TM9SF3: variants seen among roughly 807,000 people sequenced by gnomAD.
TM9SF3 encodes transmembrane 9 superfamily member 3, also known as SM-11044-binding protein.
In TM9SF3, 14 loss-of-function variants were observed where a neutral mutation model predicts 78.6. That is an observed-to-expected ratio of 0.18 (90% CI 0.12 to 0.28). The LOEUF (loss-of-function observed/expected upper bound fraction) is 0.28. TM9SF3 is among the 10% of genes least tolerant of loss of function. The probability of loss-of-function intolerance (pLI) is 1.00; values close to 1 mark genes in which losing one functional copy is unlikely to be tolerated. For missense variants in TM9SF3, 496 were observed against 721.9 expected, an observed-to-expected ratio of 0.69 and a Z score of 3.59; for synonymous variants, 231 against 241.7, an observed-to-expected ratio of 0.96 and a Z score of 0.41.
intron 5 of TM9SF3, among the ~76,000 whole-genome samples, chr10:96,555,817 T>C (rs1279730808): frequency 1.3e-5 from 2 of 152,190 alleles, no homozygotes; most frequent in African/African-American, 4.8e-5. Context: ...TCTATGATTT[T>C]CCAAAGATTT....
intron 9 of TM9SF3, among the ~76,000 whole-genome samples, chr10:96,542,660 G>A (rs1172103474): frequency 6.6e-6 from 1 of 151,866 alleles, no homozygotes; most frequent in African/African-American, 2.4e-5. Flanking sequence ...TGTTCTTTGA[G>A]AAGTAACCTG....
intron 1 of TM9SF3, among the ~76,000 whole-genome samples, chr10:96,582,560 C>T (rs1848582234): frequency 1.3e-5 from 2 of 152,078 alleles, no homozygotes; most frequent in South Asian, 4.1e-4. Flanking sequence ...ATAAAGAAGC[C>T]TATGTCCCTT....
intron 2 of TM9SF3, among the ~76,000 whole-genome samples, chr10:96,572,431 C>T (rs1353165821): frequency 2.0e-5 from 3 of 151,834 alleles, no homozygotes; most frequent in Admixed American, 1.3e-4. Context: ...TGGCAAGGTT[C>T]GAAGAGGTAC....
In TM9SF3 at chr10:96,586,753, G is replaced by A; in HGVS notation, c.83C>T (p.Ala28Val). 1 of 1,275,854 alleles carries A rather than the reference G, an allele frequency of 7.8e-7. No individual in the cohort carries two copies. Among genetic ancestry groups the A allele is most frequent in the Non-Finnish European group, 9.9e-7 (1 of 1,012,506 alleles). The allele number at this position is 1,275,854 out of a possible 1,614,324, so 79.0% of individuals were successfully genotyped here. A position where few individuals can be genotyped will look rare whatever the true frequency, so the allele number is the denominator to read the frequency against. The change falls in exon 1 of 15, where the codon GCG becomes GTG. Residue 28 changes from alanine (A) to valine (V), a missense_variant. Ala to Val is a moderately conservative substitution (Grantham distance 64, BLOSUM62 0). This residue lies in a region of TM9SF3 where 155 missense variants were observed against 241.6 expected (regional missense o/e 0.64). Coordinates refer to ENST00000371142, the MANE Select transcript of TM9SF3 (RefSeq NM_020123.4). ...CCTCACCGTGTGTTCGTGCTCGTCCGCCCGGGTCCGGGGCAGCAGCAGCAG... is the reference window on the plus strand; with the variant it reads ...CCTCACCGTGTGTTCGTGCTCGTCCACCCGGGTCCGGGGCAGCAGCAGCAG... ...LLLLLLPRTR[A>V]DEHEHTYQDK...
At chr10:96,551,828 C>G (rs1053630469) in intron 6 of TM9SF3, among the ~76,000 whole-genome samples, 11 of 152,218 alleles carry the variant, frequency 7.2e-5, no homozygotes, top group Middle Eastern at 3.4e-3. Context: ...ACTAGATCCC[C>G]TAAGAATGCA....
chr10:96,549,739 C>A (rs1848145264), intron 7 of TM9SF3, among the ~76,000 whole-genome samples: 1 of 149,396 alleles, frequency 6.7e-6, no homozygotes, highest in East Asian at 2.0e-4. Flanking sequence ...CATGACTTGC[C>A]TGCTAATATT....
intron 7 of TM9SF3, among the ~76,000 whole-genome samples, chr10:96,550,994 T>A (rs1030799329): frequency 2.0e-5 from 3 of 152,194 alleles, no homozygotes; most frequent in Non-Finnish European, 4.4e-5. Flanking sequence ...TCTGTTCATA[T>A]CTTTAATGGA....
intron 14 of TM9SF3, among the ~76,000 whole-genome samples, chr10:96,523,103 T>C (rs992789059): frequency 2.0e-5 from 3 of 151,870 alleles, no homozygotes; most frequent in Admixed American, 6.6e-5. Context: ...TGGTTCTTTA[T>C]TGCAAATATA....
intron 8 of TM9SF3, among the ~76,000 whole-genome samples, chr10:96,547,439 A>G (rs1400863903): frequency 6.6e-6 from 1 of 152,230 alleles, no homozygotes; most frequent in Non-Finnish European, 1.5e-5. Context: ...TCATAATTTT[A>G]GGAAATAAAA....
At chr10:96,549,975 T>C (rs1848148217) in intron 7 of TM9SF3, among the ~76,000 whole-genome samples, 1 of 152,158 alleles carries the variant, frequency 6.6e-6, no homozygotes, top group African/African-American at 2.4e-5. Context: ...CTTAATCCAG[T>C]GTTTAATGTA....
At chr10:96,580,977 T>C (rs766123205) in intron 1 of TM9SF3, among the ~76,000 whole-genome samples, 1 of 152,172 alleles carries the variant, frequency 6.6e-6, no homozygotes, top group African/African-American at 2.4e-5. Flanking sequence ...GCTTCATTCA[T>C]TAAAGAGCAA....
chr10:96,567,228 G>A (rs547047632), intron 2 of TM9SF3, among the ~76,000 whole-genome samples: 1 of 151,730 alleles, frequency 6.6e-6, no homozygotes, highest in Non-Finnish European at 1.5e-5. Context: ...GGGATTACAA[G>A]CATATGCCAC....
In TM9SF3 at chr10:96,528,196, G is replaced by A. The variant is rs776214823; in HGVS notation, c.1395-19C>T. Reference sequence around the variant, plus strand: ...GAAATACCTAAGTAAATGCAATAAAGACACAGGTTTCCAGTCTTTATTCTT... The same window carrying A: ...GAAATACCTAAGTAAATGCAATAAAAACACAGGTTTCCAGTCTTTATTCTT... On this transcript the variant is annotated intron_variant, in intron 11 of 14. Coordinates refer to ENST00000371142, the MANE Select transcript of TM9SF3 (RefSeq NM_020123.4). The A allele has an allele frequency of 1.3e-5, 21 of 1,600,140 alleles. No individual in the cohort carries two copies. The highest frequency in any genetic ancestry group is 1.7e-5 in the Non-Finnish European group (20 of 1,172,330).
intron 2 of TM9SF3, among the ~76,000 whole-genome samples, chr10:96,566,942 G>T (rs1184407219): frequency 6.6e-6 from 1 of 152,156 alleles, no homozygotes; most frequent in Non-Finnish European, 1.5e-5. Flanking sequence ...TGGCAGTAGG[G>T]TACCTCACAG....
chr10:96,544,252 C>T (rs375963071), intron 8 of TM9SF3, 46 bp from the exon 9 acceptor site: 24 of 1,443,846 alleles, frequency 1.7e-5, no homozygotes, highest in Middle Eastern at 1.9e-4. Context: ...TTATTTAGTA[C>T]GAAATTATTT....
intron 1 of TM9SF3, among the ~76,000 whole-genome samples, chr10:96,582,808 A>G (rs1313532321): frequency 6.6e-6 from 1 of 152,182 alleles, no homozygotes; most frequent in Non-Finnish European, 1.5e-5. Flanking sequence ...GGTCAGGCGC[A>G]GTGGCTCACA....
chr10:96,567,355 G>A (rs1229075158), intron 2 of TM9SF3, among the ~76,000 whole-genome samples: 1 of 152,148 alleles, frequency 6.6e-6, no homozygotes, highest in African/African-American at 2.4e-5. Flanking sequence ...AAAGTGCTGG[G>A]ATTACAGGCG....
intron 2 of TM9SF3, among the ~76,000 whole-genome samples, chr10:96,568,507 C>G (rs561077521): frequency 6.6e-6 from 1 of 152,126 alleles, no homozygotes; most frequent in Non-Finnish European, 1.5e-5. Context: ...ACACTATGCA[C>G]CCCAATAATC....
chr10:96,558,419 G>A (rs1037744160), intron 5 of TM9SF3, among the ~76,000 whole-genome samples: 1 of 152,002 alleles, frequency 6.6e-6, no homozygotes, highest in Non-Finnish European at 1.5e-5. Flanking sequence ...AGGGCAGGTG[G>A]ATCACTTGAG....
Sources: allele counts gnomAD v4.1 joint callset (sites outside exome capture counted in the v4.1 genomes callset), GRCh38; gene constraint gnomAD v4.1.1; regional missense constraint gnomAD v4.1.1; transcripts MANE v1.5; gene names NCBI Gene and HGNC (gene_info 2026-07-23, HGNC 2026-07-21).